The following CDH13 variants were observed in gnomAD, a reference collection of about 807,000 sequenced individuals.
CDH13 encodes cadherin-13.
A neutral mutation model predicts 63.8 loss-of-function variants in CDH13; 24 were observed. That is an observed-to-expected ratio of 0.38 (90% confidence interval 0.27 to 0.53). CDH13 has a LOEUF of 0.53. Among genes scored for constraint, CDH13 ranks in the 20% least tolerant of loss-of-function variants. The pLI is 0.85. For synonymous variants in CDH13, 503 were observed against 355.3 expected (o/e 1.42, Z -4.67); for missense variants, 1,049 against 903.1 (o/e 1.16, Z -2.07).
intron 2 of CDH13, among the ~76,000 whole-genome samples, chr16:82,872,306 T>G (rs926315026): frequency 6.6e-6 from 1 of 152,228 alleles, no homozygotes. Flanking sequence ...GACTATCAAA[T>G]TCTAAGTGCT....
At chr16:83,292,711 C>T (rs1377183792) in intron 5 of CDH13, among the ~76,000 whole-genome samples, 1 of 152,078 alleles carries the variant, frequency 6.6e-6, no homozygotes, top group Non-Finnish European at 1.5e-5. Flanking sequence ...AAACAACAAC[C>T]ATGATCAGGT....
At chr16:83,144,324 A>C (rs1429787629) in intron 4 of CDH13, among the ~76,000 whole-genome samples, 2 of 152,196 alleles carry the variant, frequency 1.3e-5, no homozygotes, top group Non-Finnish European at 2.9e-5. Flanking sequence ...ACACCACCTA[A>C]CCAATATGCT....
chr16:82,801,312 C>T (rs1266930109), intron 1 of CDH13, among the ~76,000 whole-genome samples: 3 of 152,172 alleles, frequency 2.0e-5, no homozygotes, highest in Non-Finnish European at 2.9e-5. Context: ...ATCATTGTCC[C>T]CTTTGAAGAT....
chr16:83,057,655 T>G (rs144801816), intron 3 of CDH13, among the ~76,000 whole-genome samples: 352 of 151,842 alleles, frequency 2.3e-3, no homozygotes, highest in African/African-American at 5.5e-3. Context: ...CACAAAACCA[T>G]CTATAAACCA....
intron 2 of CDH13, among the ~76,000 whole-genome samples, chr16:82,872,349 G>A (rs531829470): frequency 6.6e-6 from 1 of 152,176 alleles, no homozygotes; most frequent in Non-Finnish European, 1.5e-5. Context: ...CCTGTTGAGT[G>A]TCTTCACTCA....
At chr16:82,915,145 G>A (rs1052150086) in intron 2 of CDH13, among the ~76,000 whole-genome samples, 20 of 152,302 alleles carry the variant, frequency 1.3e-4, no homozygotes, top group Admixed American at 4.6e-4. Context: ...CTGCAAAATG[G>A]TCTAATTTGG....
At chr16:83,316,866 G>T (rs1402545097) in intron 5 of CDH13, among the ~76,000 whole-genome samples, 1 of 152,114 alleles carries the variant, frequency 6.6e-6, no homozygotes, top group Non-Finnish European at 1.5e-5. Flanking sequence ...GATCAGCTGA[G>T]CTTCATCTGG....
At chr16:82,858,665 A>T (rs2039805051) in intron 2 of CDH13, 192 bp downstream of exon 2, 1 of 625,206 alleles carries the variant, frequency 1.6e-6, no homozygotes, top group Non-Finnish European at 2.9e-6. Context: ...ATAGAGTGAT[A>T]TGCATCTCTT....
intron 5 of CDH13, among the ~76,000 whole-genome samples, chr16:83,218,060 A>G (rs1171354301): frequency 6.6e-6 from 1 of 152,208 alleles, no homozygotes; most frequent in Non-Finnish European, 1.5e-5. Context: ...CCAATGGAGT[A>G]TTTGCACATA....
At chr16:83,762,679 T>C (rs1004257304) in intron 11 of CDH13, among the ~76,000 whole-genome samples, 4 of 152,210 alleles carry the variant, frequency 2.6e-5, no homozygotes, top group African/African-American at 9.6e-5. Context: ...CCGCTGCTTC[T>C]TGGCTCACTC....
chr16:82,687,871 A>G (rs140377228), intron 1 of CDH13, among the ~76,000 whole-genome samples: 1 of 152,290 alleles, frequency 6.6e-6, no homozygotes, highest in Non-Finnish European at 1.5e-5. Flanking sequence ...GAGCCAGGGC[A>G]AACCGTCAGG....
chr16:83,082,596 A>G (rs2033327452), intron 3 of CDH13, among the ~76,000 whole-genome samples: 1 of 152,164 alleles, frequency 6.6e-6, no homozygotes, highest in African/African-American at 2.4e-5. Context: ...AGCCAAGACC[A>G]TCGTGCCACT....
chr16:83,340,499 A>G (rs1022273396), intron 5 of CDH13, among the ~76,000 whole-genome samples: 6 of 152,302 alleles, frequency 3.9e-5, no homozygotes, highest in South Asian at 2.1e-4. Context: ...TGAACCTGGG[A>G]ATACAGTTCC....
intron 1 of CDH13, among the ~76,000 whole-genome samples, chr16:82,728,639 T>C (rs1293489733): frequency 6.6e-6 from 1 of 152,188 alleles, no homozygotes; most frequent in Non-Finnish European, 1.5e-5. Flanking sequence ...CTTGCCTTGA[T>C]GTGACATTGA....
chr16:83,070,295 G>A lies in CDH13; in HGVS notation c.366+38077G>A, dbSNP rs931775014. On this transcript the variant is annotated intron_variant, in intron 3 of 13. Coordinates refer to ENST00000567109, the MANE Select transcript of CDH13 (RefSeq NM_001257.5). ...AGCCACTATCAACTTGATACTGACAGTTTAAGGGTGTTGGGTACGATGACC... is the reference window on the plus strand; with the variant it reads ...AGCCACTATCAACTTGATACTGACAATTTAAGGGTGTTGGGTACGATGACC... 9.2e-5 allele frequency among the ~76,000 whole-genome samples: 14 copies of A among 152,314 alleles called. No homozygotes were observed. The East Asian group carries it at 1.5e-3, about 17-fold the overall frequency.
At chr16:83,658,212 C>T (rs371994322) in intron 8 of CDH13, among the ~76,000 whole-genome samples, 6 of 144,074 alleles carry the variant, frequency 4.2e-5, no homozygotes, top group South Asian at 2.3e-4. Context: ...CTCATGTCCT[C>T]ACCACCAGGT....
intron 11 of CDH13, among the ~76,000 whole-genome samples, chr16:83,772,287 C>G (rs891000608): frequency 1.3e-5 from 2 of 152,120 alleles, no homozygotes; most frequent in Non-Finnish European, 2.9e-5. Flanking sequence ...ATGAGGAAGG[C>G]CCAAGTCTTA....
chr16:83,265,715 T>A (rs1289940796), intron 5 of CDH13, among the ~76,000 whole-genome samples: 2 of 149,034 alleles, frequency 1.3e-5, no homozygotes, highest in Non-Finnish European at 3.0e-5. Flanking sequence ...TTCTGTTGCT[T>A]CTAAATTTCT....
chr16:83,441,458 T>C (rs990252291), intron 6 of CDH13, among the ~76,000 whole-genome samples: 4 of 152,360 alleles, frequency 2.6e-5, no homozygotes, highest in African/African-American at 7.2e-5. Flanking sequence ...CCCCGATTGG[T>C]AGAATTAGGG....
Sources: allele counts gnomAD v4.1 joint callset (sites outside exome capture counted in the v4.1 genomes callset), GRCh38; gene constraint gnomAD v4.1.1; transcripts MANE v1.5; gene names NCBI Gene and HGNC (gene_info 2026-07-23, HGNC 2026-07-21).